GRID1: variants seen among roughly 807,000 people sequenced by gnomAD.
GRID1 encodes glutamate receptor ionotropic, delta-1.
In GRID1, 28 loss-of-function variants were observed where a neutral mutation model predicts 98.0. The ratio of observed to expected loss-of-function variants is 0.29; its 90% confidence interval spans 0.21 to 0.39. The LOEUF (loss-of-function observed/expected upper bound fraction) is 0.39, where lower values mean the gene tolerates loss of function less well. Ranked by LOEUF, GRID1 falls within the 10% of genes least tolerant of loss-of-function variation. The pLI, the probability that GRID1 is intolerant of heterozygous loss-of-function variation, is 1.00. For synonymous variants in GRID1, 553 were observed against 538.5 expected, an observed-to-expected ratio of 1.03 and a Z score of -0.37; for missense variants, 1,111 against 1,340.5, an observed-to-expected ratio of 0.83 and a Z score of 2.67.
intron 12 of GRID1, among the ~76,000 whole-genome samples, chr10:85,701,612 T>A (rs925653584): frequency 6.6e-6 from 1 of 152,176 alleles, no homozygotes; most frequent in Non-Finnish European, 1.5e-5. Context: ...TGCATCCAGA[T>A]GTACTATTAG....
At chr10:86,019,861 A>G (rs947838829) in intron 4 of GRID1, among the ~76,000 whole-genome samples, 1 of 152,228 alleles carries the variant, frequency 6.6e-6, no homozygotes, top group Non-Finnish European at 1.5e-5. Context: ...CGAGGAGCAC[A>G]CTGATGGCAG....
intron 12 of GRID1, among the ~76,000 whole-genome samples, chr10:85,722,085 C>T (rs115462536): frequency 6.6e-6 from 1 of 152,116 alleles, no homozygotes; most frequent in African/African-American, 2.4e-5. Context: ...CAATATCATA[C>T]TGAATCTTGA....
intron 2 of GRID1, among the ~76,000 whole-genome samples, chr10:86,350,390 C>T (rs960387686): frequency 3.9e-5 from 6 of 152,140 alleles, no homozygotes; most frequent in South Asian, 2.1e-4. Flanking sequence ...CAGGGGGACA[C>T]GGGGAAGTGA....
At chr10:85,765,536 T>C (rs528900188) in intron 8 of GRID1, among the ~76,000 whole-genome samples, 13 of 152,214 alleles carry the variant, frequency 8.5e-5, no homozygotes, top group Non-Finnish European at 1.6e-4. Context: ...AACACATTGC[T>C]GTCAAAATGC....
At chr10:85,612,484 T>C (rs573028458) in intron 15 of GRID1, among the ~76,000 whole-genome samples, 1 of 152,308 alleles carries the variant, frequency 6.6e-6, no homozygotes, top group South Asian at 2.1e-4. Context: ...GAAGTGCTTT[T>C]GGGTTTGATG....
chr10:85,770,263 G>T (rs980603812), intron 8 of GRID1, among the ~76,000 whole-genome samples: 1 of 152,106 alleles, frequency 6.6e-6, no homozygotes, highest in East Asian at 1.9e-4. Context: ...GGCAGCTGAG[G>T]GTCCTGTCTG....
intron 4 of GRID1, among the ~76,000 whole-genome samples, chr10:86,091,460 C>T (rs185100423): frequency 1.8e-4 from 28 of 152,186 alleles, no homozygotes; most frequent in Admixed American, 1.8e-3. Context: ...CACCCCCATC[C>T]CCCACAGCAG....
chr10:86,006,396 G>A (rs995492642), intron 4 of GRID1, among the ~76,000 whole-genome samples: 21 of 152,120 alleles, frequency 1.4e-4, no homozygotes, highest in African/African-American at 4.3e-4. Flanking sequence ...CGAGGTGAGC[G>A]GATCATGAGG....
At chr10:85,736,320 A>C (rs1476364937) in intron 8 of GRID1, among the ~76,000 whole-genome samples, 2 of 151,884 alleles carry the variant, frequency 1.3e-5, no homozygotes, top group African/African-American at 4.8e-5. Context: ...AGGAAGAAAG[A>C]GGAAGGAAGG....
intron 5 of GRID1, among the ~76,000 whole-genome samples, chr10:85,911,273 G>A (rs1265976158): frequency 6.6e-6 from 1 of 152,162 alleles, no homozygotes; most frequent in Non-Finnish European, 1.5e-5. Flanking sequence ...GAGAGAACCA[G>A]TTTTGGGGAG....
intron 2 of GRID1, among the ~76,000 whole-genome samples, chr10:86,291,621 T>A (rs1241569989): frequency 6.6e-6 from 1 of 152,164 alleles, no homozygotes; most frequent in Non-Finnish European, 1.5e-5. Context: ...TGGGCTGCTG[T>A]CCCCAACACC....
At chr10:86,253,614 T>A (rs577009166) in intron 2 of GRID1, among the ~76,000 whole-genome samples, 1 of 152,234 alleles carries the variant, frequency 6.6e-6, no homozygotes, top group South Asian at 2.1e-4. Context: ...CCACCCGCCT[T>A]CTTGGACTAC....
At chr10:86,340,404 C>T (rs1441936133) in intron 2 of GRID1, among the ~76,000 whole-genome samples, 1 of 152,170 alleles carries the variant, frequency 6.6e-6, no homozygotes, top group African/African-American at 2.4e-5. Flanking sequence ...CGGATCTGAC[C>T]AGACTGCAGA....
At chr10:86,352,875 C>A (rs1848481555) in intron 2 of GRID1, among the ~76,000 whole-genome samples, 1 of 152,104 alleles carries the variant, frequency 6.6e-6, no homozygotes, top group Admixed American at 6.6e-5. Flanking sequence ...CCCTCTCATC[C>A]CACTAGCATG....
intron 4 of GRID1, among the ~76,000 whole-genome samples, chr10:86,087,333 G>C: frequency 7.3e-6 from 1 of 137,256 alleles, no homozygotes; most frequent in Non-Finnish European, 1.5e-5. Context: ...ATGTGGGTTT[G>C]AGTGTGTTTG....
chr10:86,249,979 G>A (rs1029603963), intron 2 of GRID1, among the ~76,000 whole-genome samples: 1 of 151,942 alleles, frequency 6.6e-6, no homozygotes, highest in Non-Finnish European at 1.5e-5. Flanking sequence ...GTGGATAGAT[G>A]GATGGATGCA....
At chr10:86,279,704 TTCACTGTCA>T (rs1468583662) in intron 2 of GRID1, among the ~76,000 whole-genome samples, 1 of 152,202 alleles carries the variant, frequency 6.6e-6, no homozygotes, top group Non-Finnish European at 1.5e-5. Flanking sequence ...AAAAAGGATG[TTCACTGTCA>T]TCACTTCTAA....
intron 13 of GRID1, among the ~76,000 whole-genome samples, chr10:85,632,248 C>CAG (rs1475423908): frequency 1.3e-5 from 2 of 152,158 alleles, no homozygotes; most frequent in Non-Finnish European, 1.5e-5. Context: ...AAGTCTCTTC[C>CAG]AGAGGCTTCA....
At chr10:85,867,411 G>A (rs1382833593) in intron 6 of GRID1, among the ~76,000 whole-genome samples, 2 of 152,184 alleles carry the variant, frequency 1.3e-5, no homozygotes, top group East Asian at 3.9e-4. Flanking sequence ...CCTGCAGGGA[G>A]TGAGACCCTC....
Sources: allele counts gnomAD v4.1 joint callset (sites outside exome capture counted in the v4.1 genomes callset), GRCh38; gene constraint gnomAD v4.1.1; transcripts MANE v1.5; gene names NCBI Gene and HGNC (gene_info 2026-07-23, HGNC 2026-07-21).